The following FBXL17 variants were observed in gnomAD, a reference collection of about 807,000 sequenced individuals.
FBXL17 encodes the protein F-box/LRR-repeat protein 17.
Under a neutral mutation model 66.2 loss-of-function variants are expected in FBXL17, and 22 were observed. The observed-to-expected ratio is 0.33, with a 90% CI of 0.24 to 0.47. The LOEUF (loss-of-function observed/expected upper bound fraction) is 0.47. Among genes scored for constraint, FBXL17 ranks in the 20% least tolerant of loss-of-function variants. FBXL17 has a pLI of 1.00. For missense variants in FBXL17, 878 were observed against 948.2 expected (o/e 0.93, Z 0.97); for synonymous variants, 474 against 400.5 (o/e 1.18, Z -2.19).
intron 7 of FBXL17, among the ~76,000 whole-genome samples, chr5:107,909,978 C>T (rs2112545229): frequency 1.3e-5 from 2 of 152,170 alleles, no homozygotes; most frequent in South Asian, 2.1e-4. Context: ...TTCTACAAAC[C>T]TGGCTTCTTT....
rs948155289 is a variant in FBXL17 at position 108,374,232 on chromosome 5, T to C, written c.994-6279A>G. Among the ~76,000 whole-genome samples, 10 of 152,164 alleles carry C rather than the reference T, an allele frequency of 6.6e-5. No homozygotes were observed. In the East Asian group the frequency reaches 7.7e-4, roughly 12 times the overall value. On this transcript the variant is annotated intron_variant, in intron 1 of 8. Coordinates refer to ENST00000542267, the MANE Select transcript of FBXL17 (RefSeq NM_001163315.3). ...GATATCTCTAGAACACTACACAAAATAGAATACACATTCTTCTGAAGTGCA... is the reference window on the plus strand; with the variant it reads ...GATATCTCTAGAACACTACACAAAACAGAATACACATTCTTCTGAAGTGCA...
intron 6 of FBXL17, among the ~76,000 whole-genome samples, chr5:108,065,725 T>C (rs953587027): frequency 6.6e-6 from 1 of 152,086 alleles, no homozygotes; most frequent in Admixed American, 6.6e-5. Context: ...AGAAAACGTT[T>C]TGGACTTGGG....
intron 7 of FBXL17, among the ~76,000 whole-genome samples, chr5:107,913,792 A>G (rs1750035227): frequency 6.6e-6 from 1 of 152,148 alleles, no homozygotes; most frequent in East Asian, 1.9e-4. Flanking sequence ...TTATTCTGCA[A>G]AAACTATCAG....
rs576415900 is a variant in FBXL17, at chr5:107,982,428, T to C, written c.1822+38497A>G. On this transcript the variant is annotated intron_variant, in intron 7 of 8. Transcript: ENST00000542267. ...TATGAAGTGAGTACTCTTTGCTTTATGAGGCTTTTCTCAATGCTTTAAAAA... is the reference window on the plus strand; with the variant it reads ...TATGAAGTGAGTACTCTTTGCTTTACGAGGCTTTTCTCAATGCTTTAAAAA... Among the ~76,000 whole-genome samples the C allele has an allele frequency of 3.3e-5, 5 of 151,770 alleles. No homozygotes were observed. The East Asian group carries it at 9.7e-4, about 29-fold the overall frequency.
In FBXL17 at chr5:108,380,819, C is replaced by A. The variant is rs1249789079; in HGVS notation, c.873G>T (p.Gln291His). The A allele has an allele frequency of 7.2e-6, 9 of 1,248,064 alleles. No individual in the cohort carries two copies. Among genetic ancestry groups the A allele is most frequent in the Admixed American group, 4.2e-5 (1 of 23,710 alleles). 77.3% of individuals were successfully genotyped at this position (1,248,064 alleles called of 1,614,324 possible). The change falls in exon 1 of 9, where the codon CAG becomes CAT. Residue 291 changes from glutamine (Q) to histidine (H), a missense_variant. Gln to His is a conservative substitution (Grantham distance 24). This residue lies in a region of FBXL17 where 605 missense variants were observed against 509.5 expected (regional missense o/e 1.19). Transcript: ENST00000542267. ...AGTCCGCGTCGCCACATTCATGCTG[C>A]TGCTGGGCGGACAAGGGGGCGGTGC... The part of the protein sequence containing the change: ...AGGTAPLSAQ[Q>H]QHECGDADCR...
intron 8 of FBXL17, among the ~76,000 whole-genome samples, chr5:107,875,892 A>C (rs563740470): frequency 2.4e-4 from 36 of 152,238 alleles, no homozygotes; most frequent in Non-Finnish European, 4.8e-4. Flanking sequence ...CTGGATAATC[A>C]ATAGGCTCAC....
chr5:107,920,320 A>G (rs1750270018), intron 7 of FBXL17, among the ~76,000 whole-genome samples: 1 of 152,064 alleles, frequency 6.6e-6, no homozygotes, highest in African/African-American at 2.4e-5. Context: ...TTCTCCTACC[A>G]CAGACTCCTG....
intron 6 of FBXL17, among the ~76,000 whole-genome samples, chr5:108,124,271 A>G (rs1485425427): frequency 1.3e-5 from 2 of 152,038 alleles, no homozygotes; most frequent in South Asian, 4.1e-4. Context: ...TGGCAATTTC[A>G]TAAGATATGA....
intron 6 of FBXL17, among the ~76,000 whole-genome samples, chr5:108,182,151 G>A (rs1753030170): frequency 6.6e-6 from 1 of 152,196 alleles, no homozygotes; most frequent in Non-Finnish European, 1.5e-5. Flanking sequence ...CAGGAACTCA[G>A]TGCCCCACAG....
At chr5:108,295,854 G>A (rs185864769) in intron 4 of FBXL17, among the ~76,000 whole-genome samples, 2 of 151,328 alleles carry the variant, frequency 1.3e-5, no homozygotes, top group Admixed American at 6.6e-5. Context: ...AAGTTCTAGC[G>A]AGTGACATTC....
At chr5:108,105,444 A>G (rs2035747674) in intron 6 of FBXL17, among the ~76,000 whole-genome samples, 1 of 152,244 alleles carries the variant, frequency 6.6e-6, no homozygotes, top group Non-Finnish European at 1.5e-5. Flanking sequence ...CTTTGGCCAC[A>G]TGCTGTTTTG....
chr5:108,087,511 G>A (rs557785657), intron 6 of FBXL17, among the ~76,000 whole-genome samples: 57 of 152,054 alleles, frequency 3.7e-4, no homozygotes, highest in Non-Finnish European at 7.2e-4. Context: ...CTTTGTGACC[G>A]CATCAAAGTT....
intron 7 of FBXL17, among the ~76,000 whole-genome samples, chr5:107,984,281 C>T (rs1475085997): frequency 6.6e-6 from 1 of 152,116 alleles, no homozygotes; most frequent in African/African-American, 2.4e-5. Flanking sequence ...TTTCCCTCTC[C>T]CTAAACTTTC....
At chr5:108,014,649 C>A (rs1220766587) in intron 7 of FBXL17, among the ~76,000 whole-genome samples, 2 of 152,174 alleles carry the variant, frequency 1.3e-5, no homozygotes, top group South Asian at 2.1e-4. Flanking sequence ...TCAACAATTT[C>A]TTTGCTGTAG....
At chr5:108,014,081 G>A (rs1754285218) in intron 7 of FBXL17, among the ~76,000 whole-genome samples, 1 of 151,814 alleles carries the variant, frequency 6.6e-6, no homozygotes. Flanking sequence ...ATATCCAAGA[G>A]TACTATGCAG....
At chr5:108,314,188 C>G (rs982900052) in intron 4 of FBXL17, among the ~76,000 whole-genome samples, 2 of 151,520 alleles carry the variant, frequency 1.3e-5, no homozygotes, top group Non-Finnish European at 3.0e-5. Flanking sequence ...AATCATGGAG[C>G]CTTAAATGCT....
intron 5 of FBXL17, among the ~76,000 whole-genome samples, chr5:108,205,609 C>T (rs1300316421): frequency 6.6e-6 from 1 of 152,064 alleles, no homozygotes; most frequent in Non-Finnish European, 1.5e-5. Context: ...GGGTCATTTG[C>T]GTTAGACAAA....
intron 7 of FBXL17, among the ~76,000 whole-genome samples, chr5:107,985,550 A>G (rs776118472): frequency 6.6e-6 from 1 of 152,210 alleles, no homozygotes; most frequent in Non-Finnish European, 1.5e-5. Context: ...ACCTTCTTAA[A>G]TTAGTCTCTT....
At chr5:108,057,479 T>C (rs1747753181) in intron 6 of FBXL17, among the ~76,000 whole-genome samples, 1 of 152,160 alleles carries the variant, frequency 6.6e-6, no homozygotes, top group African/African-American at 2.4e-5. Context: ...TCCCAAAGAC[T>C]TATAAATTGT....
Sources: gnomAD v4.1 joint callset for allele counts (sites outside exome capture counted in the v4.1 genomes callset) on GRCh38, gnomAD v4.1.1 for gene constraint, gnomAD v4.1.1 regional missense constraint, MANE v1.5 for transcripts, NCBI Gene and HGNC (gene_info 2026-07-23, HGNC 2026-07-21) for gene names.